Variants in RGS12 observed in about 807,000 individuals in gnomAD.
RGS12 encodes regulator of G protein signaling 12, also known as regulator of G-protein signaling 12.
RGS12 carries 66 observed loss-of-function variants against 120.1 expected under a neutral mutation model. The ratio of observed to expected loss-of-function variants is 0.55; its 90% CI spans 0.45 to 0.67. The LOEUF (loss-of-function observed/expected upper bound fraction) is 0.67, where lower values mean the gene tolerates loss of function less well. RGS12 is among the 30% of genes least tolerant of loss of function. The probability of loss-of-function intolerance (pLI) is 0.00; values close to 1 mark genes in which losing one functional copy is unlikely to be tolerated. For missense variants in RGS12, 1,859 were observed against 1,957.7 expected, an observed-to-expected ratio of 0.95 and a Z score of 0.95; for synonymous variants, 827 against 804.7, an observed-to-expected ratio of 1.03 and a Z score of -0.47.
At position 3,317,121 on chromosome 4, in the gene RGS12, G is replaced by A. The variant is rs776471625; in HGVS notation, c.951G>A (p.Met317Ile). Residue 317 changes from methionine (M) to isoleucine (I), a missense_variant, in exon 2 of 18, where the codon ATG becomes ATA. Transcript: ENST00000336727. The part of the protein sequence containing the change: ...DDRRFFGLVT[M>I]QTNDDGSLAQ... ...GGCGATTTTTCGGGTTGGTTACCAT[G>A]CAGACGAATGACGACGGGAGCCTGG... The A allele has an allele frequency of 1.9e-6, 3 of 1,613,906 alleles. No individual in the cohort carries two copies. Among genetic ancestry groups the A allele is most frequent in the South Asian group, 1.1e-5 (1 of 91,086 alleles).
chr4:3,417,208 C>T (rs1194846787), intron 8 of RGS12, 116 bp downstream of exon 8: 4 of 1,341,852 alleles, frequency 3.0e-6, no homozygotes, highest in Admixed American at 2.8e-5. Flanking sequence ...GTGGGTGACG[C>T]TCCATGCTGG....
chr4:3,370,926 A>T (rs1191346987), intron 3 of RGS12, among the ~76,000 whole-genome samples: 2 of 152,246 alleles, frequency 1.3e-5, no homozygotes, highest in Admixed American at 6.5e-5. Flanking sequence ...AAAGATAAAA[A>T]TAAATTTAAA....
chr4:3,419,891 C>T (rs552496773), intron 9 of RGS12, among the ~76,000 whole-genome samples: 159 of 152,304 alleles, frequency 1.0e-3, no homozygotes, highest in African/African-American at 3.8e-3. Flanking sequence ...ACATTCTGAT[C>T]TTGGCCCAGG....
Position 3,317,182 on chromosome 4 carries a change from C to T in RGS12, c.1012C>T (p.His338Tyr). The T allele has an allele frequency of 1.2e-6, 2 of 1,614,168 alleles. No homozygotes were observed. Among genetic ancestry groups the T allele is most frequent in the Non-Finnish European group, 1.7e-6 (2 of 1,180,034 alleles). Reference protein sequence around the residue: ...EEEGALRTSCHVFMVDPDLFN... With the variant: ...EEEGALRTSCYVFMVDPDLFN... ...GGAGGGCGCCCTGCGGACTTCCTGC[C>T]ACGTGTTCATGGTGGACCCAGACTT... The change falls in exon 2 of 18, where the codon CAC becomes TAC. Residue 338 changes from histidine (H) to tyrosine (Y), a missense_variant. His to Tyr is a moderately conservative substitution (Grantham distance 83). Coordinates refer to ENST00000336727, the MANE Select transcript of RGS12 (RefSeq NM_001394154.1).
chr4:3,405,493 T>C (rs2109054647), intron 4 of RGS12, among the ~76,000 whole-genome samples: 2 of 152,174 alleles, frequency 1.3e-5, no homozygotes, highest in East Asian at 3.9e-4. Flanking sequence ...ACATTCCAGA[T>C]GGAAGGAGAC....
chr4:3,367,446 G>T (rs930495454), intron 3 of RGS12, among the ~76,000 whole-genome samples: 1 of 152,248 alleles, frequency 6.6e-6, no homozygotes, highest in Non-Finnish European at 1.5e-5. Context: ...TTGGTGAAGG[G>T]CTGTGCTGGG....
chr4:3,311,227 G>T (rs1302626019), intron 1 of RGS12, among the ~76,000 whole-genome samples: 2 of 152,186 alleles, frequency 1.3e-5, no homozygotes, highest in Non-Finnish European at 2.9e-5. Context: ...CAGTGCGGAC[G>T]GGTGCTGGCT....
chr4:3,329,473 T>C (rs145999404), intron 2 of RGS12, among the ~76,000 whole-genome samples: 2,964 of 151,700 alleles, frequency 0.02, 83 homozygotes, highest in African/African-American at 0.057. Context: ...GGCCAGGCAG[T>C]GGGAGAAGGA....
rs202065969 is a variant in RGS12, at chr4:3,296,481, C to T, written c.-102+3382C>T. 2.1e-4 allele frequency among the ~76,000 whole-genome samples: 32 copies of T among 152,270 alleles called. No individual in the cohort carries two copies. In the South Asian group the frequency reaches 3.5e-3, roughly 17 times the overall value. On this transcript the variant is annotated intron_variant, in intron 1 of 17. Transcript: ENST00000336727. ...TTGGGATTGCAGGCACGAGCCACCGCGCCTAGCTTCTGTCTTCTTCTGCCA... is the reference window on the plus strand; with the variant it reads ...TTGGGATTGCAGGCACGAGCCACCGTGCCTAGCTTCTGTCTTCTTCTGCCA...
chr4:3,320,171 G>A (rs1725081753), intron 2 of RGS12, among the ~76,000 whole-genome samples: 1 of 152,256 alleles, frequency 6.6e-6, no homozygotes. Flanking sequence ...GGAGTATGAT[G>A]CCATTTTAGA....
At chr4:3,419,876 G>A (rs1049980117) in intron 9 of RGS12, among the ~76,000 whole-genome samples, 2 of 152,220 alleles carry the variant, frequency 1.3e-5, no homozygotes, top group Admixed American at 6.5e-5. Flanking sequence ...ACCCCCAGAA[G>A]TAACACATTC....
At chr4:3,345,910 T>C (rs565615937) in intron 3 of RGS12, among the ~76,000 whole-genome samples, 208 of 152,258 alleles carry the variant, frequency 1.4e-3, no homozygotes, top group Non-Finnish European at 2.1e-3. Flanking sequence ...TGTTTCCTTT[T>C]TTGGTGTGTG....
intron 4 of RGS12, among the ~76,000 whole-genome samples, chr4:3,401,658 G>A (rs2109036548): frequency 6.6e-6 from 1 of 152,376 alleles, no homozygotes; most frequent in Admixed American, 6.5e-5. Flanking sequence ...TCCAAACAGT[G>A]TGACTCTGGA....
At chr4:3,427,624 T>A (rs1448768916) in intron 14 of RGS12, among the ~76,000 whole-genome samples, 1 of 152,004 alleles carries the variant, frequency 6.6e-6, no homozygotes, top group Non-Finnish European at 1.5e-5. Context: ...TAATCCCAGC[T>A]ACATGGGAGG....
At chr4:3,367,668 G>A (rs1379665410) in intron 3 of RGS12, among the ~76,000 whole-genome samples, 1 of 152,228 alleles carries the variant, frequency 6.6e-6, no homozygotes, top group Admixed American at 6.5e-5. Context: ...GCCCTCAGGC[G>A]GTCACAGGAG....
At chr4:3,415,737 T>C (rs1722318896) in intron 6 of RGS12, among the ~76,000 whole-genome samples, 1 of 152,256 alleles carries the variant, frequency 6.6e-6, no homozygotes, top group African/African-American at 2.4e-5. Context: ...GCGCAGCTGC[T>C]GCTGGGCTAG....
upstream of RGS12, among the ~76,000 whole-genome samples, chr4:3,291,348 C>CTTTTTTTT (rs66464754): frequency 7.5e-6 from 1 of 133,022 alleles, no homozygotes. Flanking sequence ...TTTCCTGGCT[C>CTTTTTTTT]TTTTTTTTTT....
intron 3 of RGS12, among the ~76,000 whole-genome samples, chr4:3,361,620 C>T (rs747664615): frequency 2.6e-5 from 4 of 151,966 alleles, no homozygotes; most frequent in Admixed American, 6.6e-5. Flanking sequence ...GTAGCAGGAG[C>T]GAGGGAAGGC....
At chr4:3,388,587 C>G (rs556277587) in intron 4 of RGS12, among the ~76,000 whole-genome samples, 50 of 152,260 alleles carry the variant, frequency 3.3e-4, no homozygotes, top group East Asian at 2.1e-3. Context: ...ACCCACCCCC[C>G]AGCCCTGGGC....
Sources: allele counts gnomAD v4.1 joint callset (sites outside exome capture counted in the v4.1 genomes callset), GRCh38; gene constraint gnomAD v4.1.1; transcripts MANE v1.5; gene names NCBI Gene and HGNC (gene_info 2026-07-23, HGNC 2026-07-21).